The following ZNF385D variants were observed in gnomAD, a reference collection of about 807,000 sequenced individuals.
ZNF385D encodes the protein zinc finger protein 659.
A neutral mutation model predicts 35.8 loss-of-function variants in ZNF385D; 15 were observed. The ratio of observed to expected loss-of-function variants is 0.42; its 90% CI spans 0.28 to 0.64. The LOEUF is 0.64. Among genes scored for constraint, ZNF385D ranks in the 30% least tolerant of loss-of-function variants. ZNF385D has a pLI of 0.23. For missense variants in ZNF385D, 474 were observed against 494.6 expected, an observed-to-expected ratio of 0.96 and a Z score of 0.39; for synonymous variants, 212 against 186.8, an observed-to-expected ratio of 1.13 and a Z score of -1.10.
chr3:22,246,315 G>C (rs1327733560), intron 2 of ZNF385D, among the ~76,000 whole-genome samples: 3 of 151,860 alleles, frequency 2.0e-5, no homozygotes, highest in African/African-American at 7.3e-5. Flanking sequence ...AAATTTTTTG[G>C]TTGACCTCTG....
chr3:21,918,185 A>T (rs1451693536), intron 3 of ZNF385D, among the ~76,000 whole-genome samples: 1 of 134,516 alleles, frequency 7.4e-6, no homozygotes, highest in African/African-American at 2.5e-5. Context: ...GGGGAATATG[A>T]TTGAAAAGCA....
At chr3:21,712,979 G>C (rs1383037745) in intron 1 of ZNF385D, among the ~76,000 whole-genome samples, 1 of 152,152 alleles carries the variant, frequency 6.6e-6, no homozygotes, top group Non-Finnish European at 1.5e-5. Flanking sequence ...CTTGCCAGTG[G>C]TGCCACTTTT....
At chr3:21,938,329 CAT>C (rs1701359250) in intron 3 of ZNF385D, among the ~76,000 whole-genome samples, 1 of 152,174 alleles carries the variant, frequency 6.6e-6, no homozygotes, top group African/African-American at 2.4e-5. Flanking sequence ...CAGTGTGACA[CAT>C]GTCACTGAAG....
At chr3:21,759,377 A>G (rs2070498531) in intron 3 of ZNF385D, among the ~76,000 whole-genome samples, 1 of 152,066 alleles carries the variant, frequency 6.6e-6, no homozygotes, top group African/African-American at 2.4e-5. Context: ...AAGTTTCTCA[A>G]AAGATCTTCA....
upstream of ZNF385D, among the ~76,000 whole-genome samples, chr3:21,752,546 C>T (rs1442978441): frequency 6.6e-6 from 1 of 152,058 alleles, no homozygotes; most frequent in African/African-American, 2.4e-5. Context: ...TGCATAAAAG[C>T]TTAACTGTAT....
chr3:22,286,356 GT>G, intron 2 of ZNF385D, among the ~76,000 whole-genome samples: 1 of 151,986 alleles, frequency 6.6e-6, no homozygotes, highest in East Asian at 1.9e-4. Context: ...CCAACTCTTA[GT>G]TCAATTAATA....
intron 3 of ZNF385D, among the ~76,000 whole-genome samples, chr3:21,551,091 T>A (rs891578144): frequency 6.6e-6 from 1 of 152,346 alleles, no homozygotes; most frequent in South Asian, 2.1e-4. Context: ...TGAGTTCTTA[T>A]GAGTGAGTTC....
chr3:21,441,944 C>G (rs4081963), intron 4 of ZNF385D, among the ~76,000 whole-genome samples: 1 of 152,086 alleles, frequency 6.6e-6, no homozygotes, highest in African/African-American at 2.4e-5. Flanking sequence ...TTTCTGCCAG[C>G]GCCCTGTAGC....
At chr3:22,103,670 G>C (rs1321881147) in intron 3 of ZNF385D, among the ~76,000 whole-genome samples, 1 of 135,296 alleles carries the variant, frequency 7.4e-6, no homozygotes, top group African/African-American at 2.5e-5. Context: ...ATTTGGGTTA[G>C]TGCTTGTGGA....
At chr3:21,519,143 TAC>T (rs1707764391) in intron 3 of ZNF385D, among the ~76,000 whole-genome samples, 1 of 152,026 alleles carries the variant, frequency 6.6e-6, no homozygotes. Flanking sequence ...GGAAAGATAA[TAC>T]CACAGGATTA....
intron 2 of ZNF385D, among the ~76,000 whole-genome samples, chr3:22,169,531 A>G (rs974428389): frequency 6.6e-6 from 1 of 152,098 alleles, no homozygotes; most frequent in African/African-American, 2.4e-5. Flanking sequence ...CTAGTTAAGT[A>G]AAGTGACTTA....
chr3:22,300,131 T>C (rs987544543), intron 2 of ZNF385D, among the ~76,000 whole-genome samples: 2 of 151,796 alleles, frequency 1.3e-5, no homozygotes, highest in African/African-American at 2.4e-5. Flanking sequence ...TGGAATAGAA[T>C]AGAAAGCCCA....
intron 3 of ZNF385D, among the ~76,000 whole-genome samples, chr3:21,957,993 C>T (rs544519208): frequency 2.0e-5 from 3 of 152,260 alleles, no homozygotes; most frequent in Admixed American, 6.6e-5. Flanking sequence ...CACCCTGCTT[C>T]TCAAGATCAC....
chr3:22,022,640 G>C (rs945462176), intron 3 of ZNF385D, among the ~76,000 whole-genome samples: 2 of 152,144 alleles, frequency 1.3e-5, no homozygotes, highest in East Asian at 3.9e-4. Flanking sequence ...GAAATCTATC[G>C]TCCCAGAAAA....
chr3:22,282,938 G>C (rs1701839697), intron 2 of ZNF385D, among the ~76,000 whole-genome samples: 1 of 152,012 alleles, frequency 6.6e-6, no homozygotes, highest in Admixed American at 6.6e-5. Flanking sequence ...CTATCTTCAA[G>C]AGACTCACCT....
At chr3:21,885,740 C>CTGTGTGTGTGTGTGTGTGTGTGTGTG (rs3074769) in intron 3 of ZNF385D, among the ~76,000 whole-genome samples, 1 of 101,196 alleles carries the variant, frequency 9.9e-6, no homozygotes, top group Non-Finnish European at 2.0e-5. Context: ...GTGTCTGTGT[C>CTGTGTGTGTGTGTGTGTGTGTGTGTG]TGTGTGTGTG....
intron 3 of ZNF385D, among the ~76,000 whole-genome samples, chr3:22,081,004 T>G (rs1005203387): frequency 6.6e-6 from 1 of 152,196 alleles, no homozygotes; most frequent in African/African-American, 2.4e-5. Context: ...ATGATACATA[T>G]GTATGTGTAT....
At chr3:22,017,587 C>T (rs1175398989) in intron 3 of ZNF385D, among the ~76,000 whole-genome samples, 1 of 147,866 alleles carries the variant, frequency 6.8e-6, no homozygotes, top group Non-Finnish European at 1.5e-5. Flanking sequence ...TCCTTATTCT[C>T]TTTTATCAAT....
At chr3:21,894,701 C>T (rs1394095297) in intron 3 of ZNF385D, among the ~76,000 whole-genome samples, 1 of 152,082 alleles carries the variant, frequency 6.6e-6, no homozygotes, top group Admixed American at 6.6e-5. Context: ...TCTGAAATGT[C>T]TATTTTAAAT....
Sources: allele counts gnomAD v4.1 joint callset (sites outside exome capture counted in the v4.1 genomes callset), GRCh38; gene constraint gnomAD v4.1.1; transcripts MANE v1.5; gene names NCBI Gene and HGNC (gene_info 2026-07-23, HGNC 2026-07-21).